Variants in NUP58 observed in about 807,000 individuals in gnomAD.
NUP58 encodes the protein nucleoporin 58.
NUP58 carries 17 observed loss-of-function variants against 70.1 expected under a neutral mutation model. The observed-to-expected ratio is 0.24, with a 90% CI of 0.17 to 0.36. NUP58 has a LOEUF of 0.36. Among genes scored for constraint, NUP58 ranks in the 10% least tolerant of loss-of-function variants. The pLI is 1.00. For synonymous variants in NUP58, 275 were observed against 257.6 expected, an observed-to-expected ratio of 1.07 and a Z score of -0.65; for missense variants, 644 against 701.5, an observed-to-expected ratio of 0.92 and a Z score of 0.93.
chr13:25,328,435 G>A (rs1443626071), intron 12 of NUP58, among the ~76,000 whole-genome samples: 5 of 129,580 alleles, frequency 3.9e-5, no homozygotes, highest in African/African-American at 1.2e-4. Context: ...TTGCTCTGTC[G>A]CCCAGGCTGG....
At chr13:25,305,659 A>G (rs1340838555) in intron 1 of NUP58, among the ~76,000 whole-genome samples, 2 of 152,180 alleles carry the variant, frequency 1.3e-5, no homozygotes, top group African/African-American at 2.4e-5. Flanking sequence ...CCTCACAGTG[A>G]TTAGCTCTTT....
intron 12 of NUP58, 126 bp downstream of exon 12, chr13:25,327,638 C>A: frequency 1.7e-6 from 1 of 585,346 alleles, no homozygotes. Flanking sequence ...AAGATGAAAA[C>A]TACTATAATC....
intron 13 of NUP58, chr13:25,334,786 G>A (rs1031353546): frequency 5.1e-6 from 5 of 984,286 alleles, no homozygotes; most frequent in African/African-American, 3.5e-5. Flanking sequence ...GAATTACAGC[G>A]CTAAACCTGG....
downstream of NUP58, among the ~76,000 whole-genome samples, chr13:25,342,609 T>C (rs2031987626): frequency 1.3e-5 from 2 of 152,156 alleles, no homozygotes; most frequent in Admixed American, 6.5e-5. Flanking sequence ...ACAGTGAACA[T>C]TTTTAGTTAT....
chr13:25,331,210 A>C (rs1029735946), intron 12 of NUP58, 147 bp from the exon 13 acceptor site: 4 of 700,146 alleles, frequency 5.7e-6, no homozygotes, highest in Admixed American at 2.5e-5. Context: ...TCCTACACCA[A>C]AGTGCATTAT....
chr13:25,340,187 T>G lies in NUP58; in HGVS notation c.*53T>G, dbSNP rs1172020832. 7.2e-7 allele frequency: 1 copy of G among 1,395,396 alleles called. No individual in the cohort carries two copies. Among genetic ancestry groups the G allele is most frequent in the Non-Finnish European group, 9.4e-7 (1 of 1,058,396 alleles). The allele number at this position is 1,395,396 out of a possible 1,614,324, so 86.4% of individuals were successfully genotyped here. ...ATAGCAGCACCGTTCATTCTATGAG[T>G]CTATTTTTCTAATGATGCAGTAATT... On this transcript the variant is annotated 3_prime_UTR_variant, in exon 16 of 16. Coordinates refer to ENST00000381736, the MANE Select transcript of NUP58 (RefSeq NM_014089.4).
intron 6 of NUP58, among the ~76,000 whole-genome samples, 181 bp from the exon 7 acceptor site, chr13:25,319,145 A>G (rs1247830002): frequency 6.6e-6 from 1 of 152,224 alleles, no homozygotes; most frequent in Non-Finnish European, 1.5e-5. Context: ...AGATGTCTTC[A>G]TAAAATGCTT....
intron 9 of NUP58, among the ~76,000 whole-genome samples, chr13:25,324,397 A>G (rs7988843): frequency 2.0e-5 from 3 of 152,236 alleles, no homozygotes; most frequent in African/African-American, 7.2e-5. Context: ...AATTGTAGAA[A>G]GCAATATAAG....
Position 25,326,976 on chromosome 13 carries a change from T to C in NUP58, c.1092T>C (p.Ile364=). ...EVQLQQYRQQ[I]EELENHLATQ... is the part of the protein sequence containing the mutation. ...AGCTTCAGCAGTACAGGCAGCAGAT[T>C]GAAGAACTAGAAAACCATCTTGCCA... is the stretch of plus-strand genomic sequence containing the variant. Residue 364 remains isoleucine, a synonymous_variant, in exon 11 of 16, where the codon ATT becomes ATC. Coordinates refer to ENST00000381736, the MANE Select transcript of NUP58 (RefSeq NM_014089.4). 1 of 1,608,142 alleles carries C rather than the reference T, an allele frequency of 6.2e-7. No homozygotes were observed. Among genetic ancestry groups the C allele is most frequent in the African/African-American group, 1.3e-5 (1 of 74,842 alleles).
intron 9 of NUP58, among the ~76,000 whole-genome samples, chr13:25,324,657 A>C (rs1022316650): frequency 2.0e-5 from 3 of 152,204 alleles, no homozygotes; most frequent in African/African-American, 7.2e-5. Flanking sequence ...TTAAAAAAAA[A>C]AAGTATTTTC....
chr13:25,342,944 A>G (rs532953858), downstream of NUP58, among the ~76,000 whole-genome samples: 1 of 152,208 alleles, frequency 6.6e-6, no homozygotes, highest in African/African-American at 2.4e-5. Flanking sequence ...TACTTTTTAC[A>G]TACTGTCCCA....
chr13:25,332,093 A>G, intron 13 of NUP58: 1 of 992,988 alleles, frequency 1.0e-6, no homozygotes, highest in South Asian at 4.5e-5. Context: ...ACAGAATACA[A>G]GCCCTCTAAA....
chr13:25,324,762 T>C (rs552618281), intron 9 of NUP58, among the ~76,000 whole-genome samples: 5 of 152,230 alleles, frequency 3.3e-5, no homozygotes, highest in Non-Finnish European at 7.3e-5. Flanking sequence ...GTTTTAAAAA[T>C]AGATCTACAG....
Position 25,327,671 on chromosome 13 carries a change from A to G in NUP58, c.1233+159A>G, listed in dbSNP as rs149993387. Among the ~76,000 whole-genome samples the G allele has an allele frequency of 4.9e-3, 753 of 152,324 alleles. 4 individuals are homozygous for G. Among genetic ancestry groups the G allele is most frequent in the African/African-American group, 0.018 (728 of 41,562 alleles). ...ATCCATAACATACCCAGACATAACG[A>G]TTGATAATACCTGTTCTTTTAAAAA... is the stretch of plus-strand genomic sequence containing the variant. On this transcript the variant is annotated intron_variant, in intron 12 of 15. Transcript: ENST00000381736.
chr13:25,307,232 T>TTTTTTG (rs71077459), intron 1 of NUP58, among the ~76,000 whole-genome samples: 1 of 148,536 alleles, frequency 6.7e-6, no homozygotes, highest in African/African-American at 2.5e-5. Context: ...TTTTTTTTTT[T>TTTTTTG]GAGAGGGAGT....
chr13:25,322,181 A>G (rs2031215265), intron 9 of NUP58, among the ~76,000 whole-genome samples: 1 of 152,220 alleles, frequency 6.6e-6, no homozygotes. Context: ...CATGTGAGAT[A>G]CGCCTTTTTG....
At chr13:25,324,330 T>C (rs1195207290) in intron 9 of NUP58, among the ~76,000 whole-genome samples, 1 of 152,170 alleles carries the variant, frequency 6.6e-6, no homozygotes, top group Admixed American at 6.5e-5. Context: ...AGTGAAATGA[T>C]AGGAATGTGG....
chr13:25,336,695 T>G (rs1450501218), intron 13 of NUP58, among the ~76,000 whole-genome samples: 1 of 152,162 alleles, frequency 6.6e-6, no homozygotes, highest in East Asian at 1.9e-4. Context: ...CTCTTTTAAT[T>G]GTCTAGTTCT....
intron 3 of NUP58, among the ~76,000 whole-genome samples, chr13:25,312,551 A>G (rs1236964195): frequency 1.3e-5 from 2 of 152,194 alleles, no homozygotes; most frequent in African/African-American, 2.4e-5. Context: ...TATTTTAGCT[A>G]GAGGCAGGGT....
Sources: allele counts gnomAD v4.1 joint callset (sites outside exome capture counted in the v4.1 genomes callset), GRCh38; gene constraint gnomAD v4.1.1; transcripts MANE v1.5; gene names NCBI Gene and HGNC (gene_info 2026-07-23, HGNC 2026-07-21).